NFIC: variants seen among roughly 807,000 people sequenced by gnomAD.
NFIC encodes the protein nuclear factor 1 C-type.
NFIC carries 12 observed loss-of-function variants against 54.4 expected under a neutral mutation model. The observed-to-expected ratio is 0.22, with a 90% CI of 0.14 to 0.36. The LOEUF is 0.36. NFIC is among the 10% of genes least tolerant of loss of function. NFIC has a pLI of 1.00. For synonymous variants in NFIC, 322 were observed against 319.2 expected (o/e 1.01, Z -0.09); for missense variants, 575 against 718.2 (o/e 0.80, Z 2.28).
At chr19:3,457,335 T>C (rs1479100509) in intron 10 of NFIC, among the ~76,000 whole-genome samples, 3 of 151,430 alleles carry the variant, frequency 2.0e-5, no homozygotes, top group Non-Finnish European at 2.9e-5. Context: ...AGGCAGGAGG[T>C]TGACAGAGGA....
At chr19:3,381,589 G>A in intron 1 of NFIC, 123 bp from the exon 2 acceptor site, 4 of 1,404,564 alleles carry the variant, frequency 2.8e-6, no homozygotes, top group South Asian at 1.5e-5. Flanking sequence ...GCCCACCTCT[G>A]CCCAGCCCCT....
At position 3,375,758 on chromosome 19, in the gene NFIC, C is replaced by T. The variant is rs1294888530; in HGVS notation, c.31-5954C>T. On this transcript the variant is annotated intron_variant, in intron 1 of 10. Coordinates refer to ENST00000443272, the MANE Select transcript of NFIC (RefSeq NM_001245002.2). The surrounding 1 kb of genome is among the most constrained non-coding windows in gnomAD (Gnocchi z 4.6). Reference sequence around the variant, plus strand: ...TGTCCTGCCCCTCCCCCCGAAGCACCCCACGGCCGGAGGTGGCCCAAGGGG... The same window carrying T: ...TGTCCTGCCCCTCCCCCCGAAGCACTCCACGGCCGGAGGTGGCCCAAGGGG... Among the ~76,000 whole-genome samples, 1 of 152,158 alleles carries T rather than the reference C, an allele frequency of 6.6e-6. No homozygotes were observed. The highest frequency in any genetic ancestry group is 2.4e-5 in the African/African-American group (1 of 41,442).
At chr19:3,412,266 G>A (rs1371938046) in intron 2 of NFIC, among the ~76,000 whole-genome samples, 1 of 151,724 alleles carries the variant, frequency 6.6e-6, no homozygotes, top group African/African-American at 2.4e-5. Flanking sequence ...GATTTTTGTA[G>A]AGATGGGGTC....
chr19:3,364,890 T>G (rs1203822308), upstream of NFIC, among the ~76,000 whole-genome samples: 1 of 152,188 alleles, frequency 6.6e-6, no homozygotes, highest in Non-Finnish European at 1.5e-5. Flanking sequence ...AATAAATTGC[T>G]TCACGTTATA....
intron 2 of NFIC, among the ~76,000 whole-genome samples, chr19:3,388,515 C>T (rs954273762): frequency 1.3e-5 from 2 of 152,104 alleles, no homozygotes; most frequent in African/African-American, 4.8e-5. Context: ...AATGAGAATC[C>T]AGAACCCCTT....
At chr19:3,366,534 C>CGGGGGGGGGGGGGGGGGGGGGGG, upstream of NFIC, 3 of 361,260 alleles carry the variant, frequency 8.3e-6, no homozygotes, top group South Asian at 4.5e-5. Flanking sequence ...GGCCGCGGGG[C>CGGGGGGGGGGGGGGGGGGGGGGG]GGGGGGGGGG....
chr19:3,381,807 C>A lies in NFIC; in HGVS notation c.126C>A (p.Phe42Leu), dbSNP rs150819987. 242 of 1,614,028 alleles carry A rather than the reference C, an allele frequency of 1.5e-4. No individual in the cohort carries two copies. In the African/African-American group the frequency reaches 2.9e-3, roughly 19 times the overall value. Residue 42 changes from phenylalanine to leucine, a missense_variant, in exon 2 of 11, where the codon TTC (phenylalanine) becomes TTA (leucine). Phe to Leu is a conservative substitution (Grantham distance 22). Transcript: ENST00000443272. ...FNLQARKRKY[F>L]KKHEKRMSKD... ...TGCAGGCGCGGAAGCGCAAGTACTT[C>A]AAGAAGCACGAGAAGCGGATGTCGA...
At chr19:3,421,931 A>G (rs777709834) in intron 2 of NFIC, among the ~76,000 whole-genome samples, 5 of 150,996 alleles carry the variant, frequency 3.3e-5, no homozygotes, top group African/African-American at 7.3e-5. Context: ...TGCCTGGCTA[A>G]TTTTTTTTTC....
Position 3,463,601 on chromosome 19 carries a change from C to T in NFIC, c.*832C>T, listed in dbSNP as rs575745326. On this transcript the variant is annotated 3_prime_UTR_variant, in exon 11 of 11. Transcript: ENST00000443272. The stretch of plus-strand genomic sequence containing the variant: ...CGCCCGCCCGTTTGGGAGGAGAAGT[C>T]TCTATGCAATTGGCCCCGGCCCCTC... The T allele has an allele frequency of 1.8e-5, 18 of 985,052 alleles. No individual in the cohort carries two copies. The South Asian group carries it at 7.0e-4, about 39-fold the overall frequency. The allele number at this position is 985,052 out of a possible 1,614,324, so 61.0% of individuals were successfully genotyped here.
chr19:3,425,231 G>A (rs376016524), intron 3 of NFIC, 54 bp downstream of exon 3: 39 of 1,538,790 alleles, frequency 2.5e-5, no homozygotes, highest in Non-Finnish European at 3.2e-5. Context: ...CCCTGTCCTC[G>A]TCTTTTATTT....
rs1599739629 is a variant in NFIC, at chr19:3,464,368, A to G, written c.*1599A>G. 1 of 984,564 alleles carries G rather than the reference A, an allele frequency of 1.0e-6. No individual in the cohort carries two copies. The highest frequency in any genetic ancestry group is 4.7e-5 in the South Asian group (1 of 21,250). 61.0% of individuals were successfully genotyped at this position (984,564 alleles called of 1,614,324 possible). A position where few individuals can be genotyped will look rare whatever the true frequency, so the allele number is the denominator to read the frequency against. On this transcript the variant is annotated 3_prime_UTR_variant, in exon 11 of 11. Transcript: ENST00000443272. Reference sequence around the variant, plus strand: ...CGTTTTTCCGTTGAGCCGCTCCAAAAACACTAAGCTGGGGACGCCAGGTGC... The same window carrying G: ...CGTTTTTCCGTTGAGCCGCTCCAAAGACACTAAGCTGGGGACGCCAGGTGC...
intron 9 of NFIC, chr19:3,454,312 C>T (rs1346755860): frequency 2.0e-6 from 2 of 991,766 alleles, no homozygotes; most frequent in Non-Finnish European, 2.4e-6. Context: ...GAAAGAGAAT[C>T]GGTTGTTATC....
At chr19:3,404,158 C>T (rs1263270211) in intron 2 of NFIC, among the ~76,000 whole-genome samples, 2 of 152,100 alleles carry the variant, frequency 1.3e-5, no homozygotes, top group Non-Finnish European at 2.9e-5. Context: ...TCACAGCCGC[C>T]GAGTCAGGCC....
chr19:3,457,060 G>T (rs12980469), intron 10 of NFIC, among the ~76,000 whole-genome samples: 1 of 152,012 alleles, frequency 6.6e-6, no homozygotes, highest in Non-Finnish European at 1.5e-5. Flanking sequence ...TAGAGGGACC[G>T]CGGGGTGGCC....
rs1449135938 is a variant in NFIC at position 3,464,272 on chromosome 19, G to A, written c.*1503G>A. On this transcript the variant is annotated 3_prime_UTR_variant, in exon 11 of 11. Transcript: ENST00000443272. Reference sequence around the variant, plus strand: ...AGCGGTCCCCGCTCGGAACGGGGAGGGTTTTCGGGGGGTTCGGCGTCGCAC... The same window carrying A: ...AGCGGTCCCCGCTCGGAACGGGGAGAGTTTTCGGGGGGTTCGGCGTCGCAC... 78 of 985,274 alleles carry A rather than the reference G, an allele frequency of 7.9e-5. No individual in the cohort carries two copies. The highest frequency in any genetic ancestry group is 9.3e-5 in the Non-Finnish European group (77 of 829,926). 61.0% of individuals were successfully genotyped at this position (985,274 alleles called of 1,614,324 possible). A position where few individuals can be genotyped will look rare whatever the true frequency, so the allele number is the denominator to read the frequency against.
intron 3 of NFIC, among the ~76,000 whole-genome samples, chr19:3,430,926 C>T (rs1379454660): frequency 5.3e-5 from 5 of 94,840 alleles, no homozygotes; most frequent in Non-Finnish European, 8.2e-5. Flanking sequence ...AGTGAGACTC[C>T]GTCTCAAAAA....
chr19:3,375,064 A>T lies in NFIC; in HGVS notation c.31-6648A>T, dbSNP rs143318318. Among the ~76,000 whole-genome samples, 3 of 149,044 alleles carry T rather than the reference A, an allele frequency of 2.0e-5. No individual in the cohort carries two copies. Among genetic ancestry groups the T allele is most frequent in the Non-Finnish European group, 4.4e-5 (3 of 67,558 alleles). On this transcript the variant is annotated intron_variant, in intron 1 of 10. Coordinates refer to ENST00000443272, the MANE Select transcript of NFIC (RefSeq NM_001245002.2). This position sits in a 1 kb window ranked among gnomAD's most constrained non-coding sequence, Gnocchi z 4.6. ...GTTAGGGAGGAGGAAGGGAACTCAG[A>T]TCTACGAGGGGCCAGATGAGAAAAG...
chr19:3,380,658 G>A (rs145501928), intron 1 of NFIC, among the ~76,000 whole-genome samples: 7,851 of 103,202 alleles, frequency 0.076, 459 homozygotes, highest in African/African-American at 0.18. Flanking sequence ...TTTTGTGACA[G>A]TCTTGCTCTG....
At chr19:3,443,889 C>A (rs56878367) in intron 6 of NFIC, among the ~76,000 whole-genome samples, 7,834 of 152,302 alleles carry the variant, frequency 0.051, 351 homozygotes, top group African/African-American at 0.12. Flanking sequence ...GTCAACGCCC[C>A]GTGGTCACTG....
Sources: allele counts gnomAD v4.1 joint callset (sites outside exome capture counted in the v4.1 genomes callset), GRCh38; gene constraint gnomAD v4.1.1; non-coding constraint Gnocchi (gnomAD v3.1); transcripts MANE v1.5; gene names NCBI Gene and HGNC (gene_info 2026-07-23, HGNC 2026-07-21).